DYNLT1: variants seen among roughly 807,000 people sequenced by gnomAD.
DYNLT1 encodes dynein light chain Tctex-type 1, also known as T-complex testis-specific protein 1 homolog.
In DYNLT1, 18 loss-of-function variants were observed where a neutral mutation model predicts 19.6. That is an observed-to-expected ratio of 0.92 (90% CI 0.64 to 1.36). DYNLT1 has a LOEUF of 1.36. Among genes scored for constraint, DYNLT1 ranks in the 40% most tolerant of loss-of-function variants. The probability of loss-of-function intolerance (pLI) is 0.00; values close to 1 mark genes in which losing one functional copy is unlikely to be tolerated. For missense variants in DYNLT1, 137 were observed against 139.3 expected (o/e 0.98, Z 0.08); for synonymous variants, 56 against 44.0 (o/e 1.27, Z -1.07).
intron 4 of DYNLT1, 85 bp from the exon 5 acceptor site, chr6:158,636,982 C>G (rs1787016831): frequency 6.5e-7 from 1 of 1,545,552 alleles, no homozygotes; most frequent in Non-Finnish European, 8.9e-7. Context: ...ATTCAAGTAC[C>G]CATCTCTATG....
At chr6:158,639,094 G>C (rs1282223580) in intron 2 of DYNLT1, among the ~76,000 whole-genome samples, 1 of 152,218 alleles carries the variant, frequency 6.6e-6, no homozygotes, top group Non-Finnish European at 1.5e-5. Context: ...AGGGATCTGA[G>C]CTGTGCATGG....
intron 2 of DYNLT1, among the ~76,000 whole-genome samples, chr6:158,638,598 C>A (rs917055564): frequency 1.3e-5 from 2 of 151,860 alleles, no homozygotes; most frequent in Admixed American, 6.6e-5. Flanking sequence ...GTAGCTGGGA[C>A]TGCAGGCATG....
In DYNLT1 at chr6:158,636,728, AAAAC is replaced by A; in HGVS notation, c.*95_*98del. 7.2e-7 allele frequency: 1 copy of A among 1,391,396 alleles called. No individual in the cohort carries two copies. Among genetic ancestry groups the A allele is most frequent in the Non-Finnish European group, 9.8e-7 (1 of 1,017,612 alleles). 86.2% of individuals were successfully genotyped at this position (1,391,396 alleles called of 1,614,324 possible). On this transcript the variant is annotated 3_prime_UTR_variant, in exon 5 of 5. Transcript: ENST00000367089. ...TTCCTCTACATTGTGAAAGTGCCAC[AAAAC>A]AAAGAGAATGAGAAAAGAGTTCACT... is the stretch of plus-strand genomic sequence containing the variant.
intron 2 of DYNLT1, among the ~76,000 whole-genome samples, chr6:158,638,422 AG>A (rs1787067373): frequency 6.6e-6 from 1 of 152,214 alleles, no homozygotes; most frequent in Admixed American, 6.5e-5. Context: ...GTTTATGATG[AG>A]ATTTTTTTAT....
Position 158,637,813 on chromosome 6 carries a change from A to G in DYNLT1, c.151T>C (p.Leu51=). The G allele has an allele frequency of 1.2e-6, 2 of 1,613,486 alleles. No homozygotes were observed. Among genetic ancestry groups the G allele is most frequent in the South Asian group, 2.2e-5 (2 of 91,084 alleles). The part of the protein sequence containing the change: ...QWTTNVVEQT[L]SQLTKLGKPF... ...TTTCCCAGCTTGGTGAGTTGGCTTA[A>G]AGTTTGTTCTACTACATTTGTGGTC... Residue 51 remains leucine, a synonymous_variant, in exon 3 of 5, where the codon TTA becomes CTA. Transcript: ENST00000367089.
Position 158,636,732 on chromosome 6 carries a change from C to T in DYNLT1, c.*95G>A. The stretch of plus-strand genomic sequence containing the variant: ...TCTACATTGTGAAAGTGCCACAAAA[C>T]AAAGAGAATGAGAAAAGAGTTCACT... On this transcript the variant is annotated 3_prime_UTR_variant, in exon 5 of 5. Coordinates refer to ENST00000367089, the MANE Select transcript of DYNLT1 (RefSeq NM_006519.4). 2.1e-6 allele frequency: 3 copies of T among 1,402,848 alleles called. No individual in the cohort carries two copies. In the East Asian group the frequency reaches 7.5e-5, roughly 35 times the overall value. 86.9% of individuals were successfully genotyped at this position (1,402,848 alleles called of 1,614,324 possible). A position where few individuals can be genotyped will look rare whatever the true frequency, so the allele number is the denominator to read the frequency against.
chr6:158,644,188 G>T (rs1385819953), intron 1 of DYNLT1, among the ~76,000 whole-genome samples: 1 of 151,990 alleles, frequency 6.6e-6, no homozygotes, highest in Non-Finnish European at 1.5e-5. Flanking sequence ...TGGCCGGGAC[G>T]CCAGCCCGGG....
At chr6:158,640,925 AAAGT>A (rs1787122722) in intron 2 of DYNLT1, among the ~76,000 whole-genome samples, 1 of 152,238 alleles carries the variant, frequency 6.6e-6, no homozygotes, top group Non-Finnish European at 1.5e-5. Flanking sequence ...GAATGTAAGA[AAAGT>A]AAGCAAATAG....
intron 1 of DYNLT1, among the ~76,000 whole-genome samples, chr6:158,643,673 G>A (rs967633998): frequency 6.6e-6 from 1 of 152,056 alleles, no homozygotes; most frequent in African/African-American, 2.4e-5. Flanking sequence ...AAGAGACGGG[G>A]TTTCTCCATG....
At chr6:158,637,557 ACCT>A (rs68008864) in intron 3 of DYNLT1, 105,860 of 704,198 alleles carry the variant, frequency 0.15, 8,710 homozygotes, top group African/African-American at 0.22. Context: ...ATCTGATGGG[ACCT>A]CCTGTAAGAT....
At chr6:158,644,582 T>G (rs1416655766) in intron 1 of DYNLT1, 100 bp downstream of exon 1, 1 of 1,449,678 alleles carries the variant, frequency 6.9e-7, no homozygotes, top group Non-Finnish European at 9.5e-7. Flanking sequence ...CTGGCCTAGC[T>G]GAAGGAGGTG....
intron 3 of DYNLT1, 184 bp downstream of exon 3, chr6:158,637,587 T>A (rs1387692798): frequency 4.7e-6 from 4 of 843,846 alleles, no homozygotes; most frequent in Non-Finnish European, 5.8e-6. Flanking sequence ...TCACATACGA[T>A]CTGCAATTGT....
At chr6:158,641,571 T>C (rs1287198421) in intron 1 of DYNLT1, 4 of 381,968 alleles carry the variant, frequency 1.0e-5, no homozygotes, top group Admixed American at 4.6e-5. Context: ...TATTGTTTTA[T>C]TTTTATTTAT....
chr6:158,638,169 A>C (rs1787060123), intron 2 of DYNLT1, among the ~76,000 whole-genome samples: 1 of 152,096 alleles, frequency 6.6e-6, no homozygotes, highest in South Asian at 2.1e-4. Context: ...TTTCCTGTTG[A>C]GGCTAGAAAG....
In DYNLT1 at chr6:158,641,344, TCAA is replaced by T. The variant is rs763564906; in HGVS notation, c.41_43del (p.Val14del). The T allele has an allele frequency of 3.8e-6, 6 of 1,598,916 alleles. No individual in the cohort carries two copies. Among genetic ancestry groups the T allele is most frequent in the African/African-American group, 1.3e-5 (1 of 74,198 alleles). The stretch of plus-strand genomic sequence containing the variant: ...CTCTTTTACAATGTTGCTCACTTCA[TCAA>T]CAACAAAAGCAGTCTGTAAGGAAGA... On this transcript the variant is annotated inframe_deletion, in exon 2 of 5. Coordinates refer to ENST00000367089, the MANE Select transcript of DYNLT1 (RefSeq NM_006519.4).
chr6:158,641,316 T>C lies in DYNLT1; in HGVS notation c.69+3A>G. 2 of 1,593,440 alleles carry C rather than the reference T, an allele frequency of 1.3e-6. No individual in the cohort carries two copies. Among genetic ancestry groups the C allele is most frequent in the Middle Eastern group, 3.3e-4 (2 of 6,016 alleles). ...TTTAAGAAGTGAGCATTTCTCCTCT[T>C]ACCTCTTTTACAATGTTGCTCACTT... On this transcript the variant is annotated splice_donor_region_variant and intron_variant, in intron 2 of 4. Coordinates refer to ENST00000367089, the MANE Select transcript of DYNLT1 (RefSeq NM_006519.4).
At chr6:158,637,298 C>G in intron 3 of DYNLT1, 93 bp from the exon 4 acceptor site, 1 of 1,136,606 alleles carries the variant, frequency 8.8e-7, no homozygotes, top group Non-Finnish European at 1.3e-6. Context: ...GTATGTAGCT[C>G]CACGTGGTTG....
chr6:158,644,742 G>A lies in DYNLT1; in HGVS notation c.-34C>T, dbSNP rs1277984626. 6.2e-7 allele frequency: 1 copy of A among 1,607,952 alleles called. No individual in the cohort carries two copies. The stretch of plus-strand genomic sequence containing the variant: ...CGGCGCGTCCCCTCCGGCTCCCTGA[G>A]TGGCGCGGACTGCGCAGGCGCACTC... On this transcript the variant is annotated 5_prime_UTR_variant, in exon 1 of 5. Transcript: ENST00000367089.
Position 158,641,308 on chromosome 6 carries a change from T to C in DYNLT1, c.69+11A>G. 2 of 1,589,318 alleles carry C rather than the reference T, an allele frequency of 1.3e-6. No individual in the cohort carries two copies. Among genetic ancestry groups the C allele is most frequent in the Non-Finnish European group, 1.7e-6 (2 of 1,171,682 alleles). On this transcript the variant is annotated intron_variant, in intron 2 of 4. Transcript: ENST00000367089. ...ATTAAACATTTAAGAAGTGAGCATT[T>C]CTCCTCTTACCTCTTTTACAATGTT...
Sources: gnomAD v4.1 joint callset for allele counts (sites outside exome capture counted in the v4.1 genomes callset) on GRCh38, gnomAD v4.1.1 for gene constraint, MANE v1.5 for transcripts, NCBI Gene and HGNC (gene_info 2026-07-23, HGNC 2026-07-21) for gene names.